The following CELF3 variants were observed in gnomAD, a reference collection of about 807,000 sequenced individuals.
CELF3 encodes CAG repeat domain.
In CELF3, 26 loss-of-function variants were observed where a neutral mutation model predicts 59.6. The observed-to-expected ratio is 0.44, with a 90% CI of 0.32 to 0.61. The LOEUF is 0.61. Among genes scored for constraint, CELF3 ranks in the 20% least tolerant of loss-of-function variants. The probability of loss-of-function intolerance (pLI) is 0.06; values close to 1 mark genes in which losing one functional copy is unlikely to be tolerated. For synonymous variants in CELF3, 245 were observed against 250.7 expected (o/e 0.98, Z 0.22); for missense variants, 387 against 627.2 (o/e 0.62, Z 4.09).
rs767787604 is a variant in CELF3, at chr1:151,709,128, G to T, written c.407-51C>A. On this transcript the variant is annotated intron_variant, in intron 4 of 12. Coordinates refer to ENST00000290583, the MANE Select transcript of CELF3 (RefSeq NM_007185.7). This position sits in a 1 kb window ranked among gnomAD's most constrained non-coding sequence, Gnocchi z 4.9. ...GAGGGGTAAGCACCCATCCCTGCGG[G>T]ACCCCGCGGTGGAACCCGATGCCTA... 27 of 1,607,146 alleles carry T rather than the reference G, an allele frequency of 1.7e-5. No homozygotes were observed. In the Admixed American group the frequency reaches 4.5e-4, roughly 27 times the overall value.
chr1:151,706,780 G>T, intron 8 of CELF3, 46 bp from the exon 9 acceptor site: 1 of 1,442,928 alleles, frequency 6.9e-7, no homozygotes, highest in Non-Finnish European at 9.4e-7. Context: ...GGCACACAGT[G>T]GGGGCCCTCA....
Position 151,701,415 on chromosome 1 carries a change from A to G in CELF3, c.*2044T>C, listed in dbSNP as rs534086768. The stretch of plus-strand genomic sequence containing the variant: ...GAGGGACTTAGGGCTTATGCAGTCC[A>G]CCCTCTACCTGAAGGACTCACTCCT... On this transcript the variant is annotated 3_prime_UTR_variant, in exon 13 of 13. Coordinates refer to ENST00000290583, the MANE Select transcript of CELF3 (RefSeq NM_007185.7). 8.5e-5 allele frequency among the ~76,000 whole-genome samples: 13 copies of G among 152,166 alleles called. No individual in the cohort carries two copies. In the South Asian group the frequency reaches 2.5e-3, roughly 29 times the overall value.
At chr1:151,711,364 C>G (rs1353076706) in intron 2 of CELF3, 6 of 153,868 alleles carry the variant, frequency 3.9e-5, no homozygotes, top group Non-Finnish European at 5.8e-5. Context: ...TCAGTCTGGC[C>G]GACTCCACCA....
chr1:151,703,229 G>C lies in CELF3; in HGVS notation c.*230C>G. 2.2e-6 allele frequency: 1 copy of C among 457,864 alleles called. No homozygotes were observed. The highest frequency in any genetic ancestry group is 1.5e-5 in the South Asian group (1 of 64,610). 28.4% of individuals were successfully genotyped at this position (457,864 alleles called of 1,614,324 possible). ...CCTCGCTCCCTCACAAAGGCCAAAAGGGCATCTAGGAGGAAATGGGCCCTT... is the reference window on the plus strand; with the variant it reads ...CCTCGCTCCCTCACAAAGGCCAAAACGGCATCTAGGAGGAAATGGGCCCTT... On this transcript the variant is annotated 3_prime_UTR_variant, in exon 13 of 13. Coordinates refer to ENST00000290583, the MANE Select transcript of CELF3 (RefSeq NM_007185.7).
chr1:151,703,128 G>C lies in CELF3; in HGVS notation c.*331C>G, dbSNP rs773190409. On this transcript the variant is annotated 3_prime_UTR_variant, in exon 13 of 13. Coordinates refer to ENST00000290583, the MANE Select transcript of CELF3 (RefSeq NM_007185.7). ...ACAGGCCCACTGTTGGGGGAGGCAA[G>C]TACAAACGCTGGGTACAGAAGGCCT... is the stretch of plus-strand genomic sequence containing the variant. 6.3e-5 allele frequency: 29 copies of C among 459,578 alleles called. No individual in the cohort carries two copies. Among genetic ancestry groups the C allele is most frequent in the African/African-American group, 5.6e-4 (28 of 50,336 alleles). The allele number at this position is 459,578 out of a possible 1,614,324, so 28.5% of individuals were successfully genotyped here. A position where few individuals can be genotyped will look rare whatever the true frequency, so the allele number is the denominator to read the frequency against.
chr1:151,705,739 C>G lies in CELF3; in HGVS notation c.1270+83G>C, dbSNP rs920304336. On this transcript the variant is annotated intron_variant, in intron 11 of 12. Coordinates refer to ENST00000290583, the MANE Select transcript of CELF3 (RefSeq NM_007185.7). The surrounding 1 kb of genome is among the most constrained non-coding windows in gnomAD (Gnocchi z 5.1). ...ATCAGTATTTCAAATACTGGGTCCACTGTGACCATAAATGCCTTCAAATAT... is the reference window on the plus strand; with the variant it reads ...ATCAGTATTTCAAATACTGGGTCCAGTGTGACCATAAATGCCTTCAAATAT... The G allele has an allele frequency of 2.7e-6, 4 of 1,458,248 alleles. No individual in the cohort carries two copies. Among genetic ancestry groups the G allele is most frequent in the Non-Finnish European group, 3.8e-6 (4 of 1,059,334 alleles). The allele number at this position is 1,458,248 out of a possible 1,614,324, so 90.3% of individuals were successfully genotyped here.
At position 151,710,960 on chromosome 1, in the gene CELF3, A is replaced by T. The variant is rs1301812970; in HGVS notation, c.229-1169T>A. ...TGAGGACTCTGACAGCTGGAACCAC[A>T]CCTGGTTGCCCCACTCATCTGATGG... is the stretch of plus-strand genomic sequence containing the variant. On this transcript the variant is annotated intron_variant, in intron 2 of 12. Coordinates refer to ENST00000290583, the MANE Select transcript of CELF3 (RefSeq NM_007185.7). The T allele has an allele frequency of 1.3e-5, 5 of 398,326 alleles. No individual in the cohort carries two copies. The East Asian group carries it at 2.9e-4, about 23-fold the overall frequency. The allele number at this position is 398,326 out of a possible 1,614,324, so 24.7% of individuals were successfully genotyped here.
intron 1 of CELF3, chr1:151,715,605 T>C: frequency 2.1e-6 from 3 of 1,439,492 alleles, no homozygotes; most frequent in Admixed American, 4.2e-5. Flanking sequence ...GTTCATCCCA[T>C]GACATCAACA....
Position 151,716,495 on chromosome 1 carries a change from C to T in CELF3, c.-475G>A. 3.1e-6 allele frequency: 1 copy of T among 323,986 alleles called. No homozygotes were observed. Among genetic ancestry groups the T allele is most frequent in the South Asian group, 2.5e-5 (1 of 40,272 alleles). 20.1% of individuals were successfully genotyped at this position (323,986 alleles called of 1,614,324 possible). A position where few individuals can be genotyped will look rare whatever the true frequency, so the allele number is the denominator to read the frequency against. On this transcript the variant is annotated 5_prime_UTR_variant, in exon 1 of 13. It adds an upstream start codon to the 5' untranslated region. Coordinates refer to ENST00000290583, the MANE Select transcript of CELF3 (RefSeq NM_007185.7). Reference sequence around the variant, plus strand: ...CAGCAGCGTCAGTAAGGGGGGCCCACTCCTGATGTGGGGCAGGTGAATCTC... The same window carrying T: ...CAGCAGCGTCAGTAAGGGGGGCCCATTCCTGATGTGGGGCAGGTGAATCTC...
chr1:151,702,897 C>T lies in CELF3; in HGVS notation c.*562G>A. On this transcript the variant is annotated 3_prime_UTR_variant, in exon 13 of 13. Transcript: ENST00000290583. ...AGGCAGCCCTCAGGGCTCCCCCACA[C>T]CCTCCTTAGAGGGGGCCCTTGGGGG... The T allele has an allele frequency of 3.5e-6, 1 of 289,032 alleles. No homozygotes were observed. Among genetic ancestry groups the T allele is most frequent in the South Asian group, 3.4e-5 (1 of 29,750 alleles). The allele number at this position is 289,032 out of a possible 1,614,324, so 17.9% of individuals were successfully genotyped here. A position where few individuals can be genotyped will look rare whatever the true frequency, so the allele number is the denominator to read the frequency against.
chr1:151,711,588 T>C (rs556197354), intron 2 of CELF3, among the ~76,000 whole-genome samples: 3 of 152,342 alleles, frequency 2.0e-5, no homozygotes, highest in East Asian at 3.9e-4. Flanking sequence ...TCCTTAGGCA[T>C]GTGTGTGCGG....
At position 151,701,070 on chromosome 1, in the gene CELF3, A is replaced by T. The variant is rs1672050839; in HGVS notation, c.*2389T>A. 6.6e-6 allele frequency: 1 copy of T among 152,284 alleles called. No homozygotes were observed. Among genetic ancestry groups the T allele is most frequent in the African/African-American group, 2.4e-5 (1 of 41,466 alleles). 9.4% of individuals were successfully genotyped at this position (152,284 alleles called of 1,614,324 possible). Reference sequence around the variant, plus strand: ...ACAAATTGTAGGAGAGCAGGAAAAGAAACATGGAGACAGATGAGAGCAATG... The same window carrying T: ...ACAAATTGTAGGAGAGCAGGAAAAGTAACATGGAGACAGATGAGAGCAATG... On this transcript the variant is annotated 3_prime_UTR_variant, in exon 13 of 13. Transcript: ENST00000290583.
Position 151,705,295 on chromosome 1 carries a change from G to C in CELF3, c.1271-127C>G, listed in dbSNP as rs772293317. On this transcript the variant is annotated intron_variant, in intron 11 of 12. Coordinates refer to ENST00000290583, the MANE Select transcript of CELF3 (RefSeq NM_007185.7). The surrounding 1 kb of genome is among the most constrained non-coding windows in gnomAD (Gnocchi z 5.1). Reference sequence around the variant, plus strand: ...CTAGAAAGCTGCCTGCCACATAGCAGCATTCCTTAGGAATTTGTTGATTGA... The same window carrying C: ...CTAGAAAGCTGCCTGCCACATAGCACCATTCCTTAGGAATTTGTTGATTGA... 234 of 1,031,746 alleles carry C rather than the reference G, an allele frequency of 2.3e-4. No individual in the cohort carries two copies. Among genetic ancestry groups the C allele is most frequent in the Middle Eastern group, 9.0e-4 (4 of 4,442 alleles). 63.9% of individuals were successfully genotyped at this position (1,031,746 alleles called of 1,614,324 possible).
In CELF3 at chr1:151,709,875, T is replaced by G. The variant is rs569642932; in HGVS notation, c.229-84A>C. On this transcript the variant is annotated intron_variant, in intron 2 of 12. Transcript: ENST00000290583. This position sits in a 1 kb window ranked among gnomAD's most constrained non-coding sequence, Gnocchi z 4.9. ...CCCAGGCCAGGCCCTGCAGAGAGAC[T>G]AGAGGGGCAAGCCCCAGGCCCTCTA... 102 of 1,324,632 alleles carry G rather than the reference T, an allele frequency of 7.7e-5. 2 individuals carry two copies. In the East Asian group the frequency reaches 2.2e-3, roughly 29 times the overall value. The allele number at this position is 1,324,632 out of a possible 1,614,324, so 82.1% of individuals were successfully genotyped here.
chr1:151,706,456 G>A lies in CELF3; in HGVS notation c.989-95C>T, dbSNP rs943365420. On this transcript the variant is annotated intron_variant, in intron 9 of 12. Coordinates refer to ENST00000290583, the MANE Select transcript of CELF3 (RefSeq NM_007185.7). ...CTCCCTTCCCCTAGCCCAGGCCAGT[G>A]GCACCTGCAGGGCTGAGAGGTGGTC... The A allele has an allele frequency of 2.6e-5, 34 of 1,332,574 alleles. No individual in the cohort carries two copies. In the Admixed American group the frequency reaches 5.7e-4, roughly 22 times the overall value. The allele number at this position is 1,332,574 out of a possible 1,614,324, so 82.5% of individuals were successfully genotyped here.
At chr1:151,711,056 C>T (rs1483105635) in intron 2 of CELF3, 4 of 356,036 alleles carry the variant, frequency 1.1e-5, no homozygotes, top group Non-Finnish European at 2.2e-5. Context: ...CTAGAGGTAC[C>T]CTCAGGAAAG....
chr1:151,704,176 G>GGACAC (rs1401985340), intron 12 of CELF3, among the ~76,000 whole-genome samples: 1 of 152,048 alleles, frequency 6.6e-6, no homozygotes, highest in Non-Finnish European at 1.5e-5. Context: ...GGCCGACAAT[G>GGACAC]GACACGGGCC....
Position 151,709,416 on chromosome 1 carries a change from G to A in CELF3, c.278-68C>T, listed in dbSNP as rs558810384. On this transcript the variant is annotated intron_variant, in intron 3 of 12. Transcript: ENST00000290583. This position sits in a 1 kb window ranked among gnomAD's most constrained non-coding sequence, Gnocchi z 4.9. ...TGGCTGCCTTCCCAGCCCTTCTTCC[G>A]CCCTTCCCTGGAGCTCCTAACACTA... 102 of 1,603,392 alleles carry A rather than the reference G, an allele frequency of 6.4e-5. No individual in the cohort carries two copies. In the African/African-American group the frequency reaches 7.8e-4, roughly 12 times the overall value.
chr1:151,706,403 C>T (rs1195918493), intron 9 of CELF3, 42 bp from the exon 10 acceptor site: 1 of 1,507,558 alleles, frequency 6.6e-7, no homozygotes, highest in East Asian at 2.5e-5. Flanking sequence ...GCTTCCCTGA[C>T]TTCTTGAGCC....
Sources: gnomAD v4.1 joint callset for allele counts (sites outside exome capture counted in the v4.1 genomes callset) on GRCh38, gnomAD v4.1.1 for gene constraint, Gnocchi (gnomAD v3.1) non-coding constraint, MANE v1.5 for transcripts, NCBI Gene and HGNC (gene_info 2026-07-23, HGNC 2026-07-21) for gene names.